PLSCR2: variants seen among roughly 807,000 people sequenced by gnomAD.
PLSCR2 encodes phospholipid scramblase 2, also known as PL scramblase 2.
In PLSCR2, 18 loss-of-function variants were observed where a neutral mutation model predicts 25.3. The ratio of observed to expected loss-of-function variants is 0.71; its 90% CI spans 0.49 to 1.06. The LOEUF is 1.06. Ranked by LOEUF, PLSCR2 falls within the 50% of genes least tolerant of loss-of-function variation. The pLI, the probability that PLSCR2 is intolerant of heterozygous loss-of-function variation, is 0.00. For missense variants in PLSCR2, 243 were observed against 269.5 expected (o/e 0.90, Z 0.69); for synonymous variants, 88 against 87.3 (o/e 1.01, Z -0.04).
chr3:146,438,326 C>A (rs554974636), downstream of PLSCR2, among the ~76,000 whole-genome samples: 15 of 152,212 alleles, frequency 9.9e-5, no homozygotes, highest in Admixed American at 7.9e-4. Flanking sequence ...TCCTGGACAT[C>A]TTTGTTAACT....
intron 1 of PLSCR2, among the ~76,000 whole-genome samples, chr3:146,495,616 C>T (rs139871682): frequency 2.0e-4 from 30 of 152,266 alleles, no homozygotes; most frequent in African/African-American, 7.0e-4. Context: ...AGTTGGTCAT[C>T]TGTGAGGAAG....
At chr3:146,473,478 G>T (rs2042186854) in intron 1 of PLSCR2, among the ~76,000 whole-genome samples, 1 of 151,816 alleles carries the variant, frequency 6.6e-6, no homozygotes, top group Non-Finnish European at 1.5e-5. Context: ...ACTAATTTTT[G>T]TATTTTTAGT....
At chr3:146,463,401 C>T (rs1429677050), upstream of PLSCR2, among the ~76,000 whole-genome samples, 2 of 152,112 alleles carry the variant, frequency 1.3e-5, no homozygotes, top group African/African-American at 2.4e-5. Context: ...GTGATCTGCC[C>T]GCGTCGGCCT....
At chr3:146,448,918 T>C (rs1295413045) in intron 6 of PLSCR2, among the ~76,000 whole-genome samples, 1 of 152,168 alleles carries the variant, frequency 6.6e-6, no homozygotes, top group Non-Finnish European at 1.5e-5. Flanking sequence ...TTTCTCCTAA[T>C]AACATATTTG....
intron 5 of PLSCR2, among the ~76,000 whole-genome samples, chr3:146,453,661 A>G (rs1298008451): frequency 6.6e-6 from 1 of 152,194 alleles, no homozygotes; most frequent in East Asian, 1.9e-4. Context: ...GGAAGGATCC[A>G]TATGCTTTGG....
At chr3:146,423,269 C>CTA (rs2039218129) in intron 2 of PLSCR2, among the ~76,000 whole-genome samples, 1 of 146,042 alleles carries the variant, frequency 6.8e-6, no homozygotes, top group Non-Finnish European at 1.5e-5. Context: ...CTCTCTCTCT[C>CTA]TCTCTCTCTC....
At chr3:146,449,160 T>G in intron 6 of PLSCR2, 46 bp downstream of exon 6, 1 of 1,361,296 alleles carries the variant, frequency 7.3e-7, no homozygotes. Flanking sequence ...TTCAGAATGA[T>G]TCTAGAGAAG....
intron 5 of PLSCR2, 90 bp from the exon 6 acceptor site, chr3:146,449,457 TA>T (rs1379175131): frequency 1.2e-6 from 1 of 842,574 alleles, no homozygotes; most frequent in East Asian, 2.5e-5. Context: ...AAGGAAATAT[TA>T]TAGTACATTT....
At chr3:146,489,275 T>C (rs1212754935) in intron 1 of PLSCR2, among the ~76,000 whole-genome samples, 1 of 152,096 alleles carries the variant, frequency 6.6e-6, no homozygotes, top group Non-Finnish European at 1.5e-5. Context: ...CACATTTACC[T>C]ATGTAACAAA....
At chr3:146,465,550 C>T (rs7649766) in intron 1 of PLSCR2, among the ~76,000 whole-genome samples, 3,962 of 148,852 alleles carry the variant, frequency 0.027, 205 homozygotes, top group African/African-American at 0.093. Flanking sequence ...GAACAACTCT[C>T]TCCCGCCACA....
intron 3 of PLSCR2, among the ~76,000 whole-genome samples, chr3:146,393,681 C>T (rs1250480605): frequency 2.6e-5 from 4 of 151,512 alleles, no homozygotes; most frequent in Non-Finnish European, 4.4e-5. Flanking sequence ...TGGTGGCATG[C>T]GCTTGTAGTC....
intron 8 of PLSCR2, among the ~76,000 whole-genome samples, chr3:146,434,177 G>A (rs532150943): frequency 6.6e-6 from 1 of 151,970 alleles, no homozygotes; most frequent in Non-Finnish European, 1.5e-5. Context: ...ATTTAACTAT[G>A]TCAGGATAAC....
chr3:146,477,022 A>T (rs1382550566), intron 1 of PLSCR2, among the ~76,000 whole-genome samples: 1 of 152,206 alleles, frequency 6.6e-6, no homozygotes, highest in African/African-American at 2.4e-5. Context: ...TACTTTGTTA[A>T]GTGGGTCTCG....
At chr3:146,481,003 T>A (rs2043110674) in intron 1 of PLSCR2, among the ~76,000 whole-genome samples, 2 of 152,144 alleles carry the variant, frequency 1.3e-5, no homozygotes, top group Admixed American at 1.3e-4. Flanking sequence ...GCTCAATAGA[T>A]GCAGAAAAGG....
rs1326418629 is a variant in PLSCR2 at position 146,469,490 on chromosome 3, C to T, written c.-292-9206G>A. ...GGGAGGCGACTGAGAAAGCCGCCCC[C>T]TTACCCGTGGCTGCAGCTGCTCCCG... On this transcript the variant is annotated intron_variant, in intron 1 of 8. Coordinates refer to the PLSCR2 transcript ENST00000336685. 6.1e-6 allele frequency: 6 copies of T among 983,744 alleles called. No individual in the cohort carries two copies. The highest frequency in any genetic ancestry group is 7.2e-6 in the Non-Finnish European group (6 of 828,500). 60.9% of individuals were successfully genotyped at this position (983,744 alleles called of 1,614,324 possible).
chr3:146,421,011 A>G (rs2039129361), intron 2 of PLSCR2, among the ~76,000 whole-genome samples: 8 of 152,040 alleles, frequency 5.3e-5, no homozygotes, highest in Admixed American at 3.3e-4. Flanking sequence ...AAAGAGCTAA[A>G]AAGAGAACCC....
intron 1 of PLSCR2, among the ~76,000 whole-genome samples, chr3:146,480,325 C>T (rs1379507349): frequency 6.6e-6 from 1 of 151,888 alleles, no homozygotes; most frequent in Non-Finnish European, 1.5e-5. Context: ...ATCAACAAAA[C>T]TGATAGACCA....
chr3:146,459,704 C>T (rs991820614), intron 2 of PLSCR2, 144 bp downstream of exon 2: 3 of 603,312 alleles, frequency 5.0e-6, no homozygotes, highest in Non-Finnish European at 5.7e-6. Context: ...GATTTGTTAA[C>T]AGAATGTGCT....
intron 5 of PLSCR2, among the ~76,000 whole-genome samples, chr3:146,453,411 T>C (rs1342688878): frequency 6.6e-6 from 1 of 152,066 alleles, no homozygotes; most frequent in African/African-American, 2.4e-5. Flanking sequence ...AGGCTATCTG[T>C]TGGAGAACTG....
Sources: allele counts gnomAD v4.1 joint callset (sites outside exome capture counted in the v4.1 genomes callset), GRCh38; gene constraint gnomAD v4.1.1; transcripts MANE v1.5; gene names NCBI Gene and HGNC (gene_info 2026-07-23, HGNC 2026-07-21).